The following HERC4 variants were observed in gnomAD, a reference collection of about 807,000 sequenced individuals.
The protein encoded by HERC4 is HECT and RLD domain containing E3 ubiquitin protein ligase 4, also known as probable E3 ubiquitin-protein ligase HERC4.
A neutral mutation model predicts 124.3 loss-of-function variants in HERC4; 28 were observed. The ratio of observed to expected loss-of-function variants is 0.23; its 90% CI spans 0.17 to 0.31. The LOEUF is 0.31. HERC4 is among the 10% of genes least tolerant of loss of function. The probability of loss-of-function intolerance (pLI) is 1.00; values close to 1 mark genes in which losing one functional copy is unlikely to be tolerated. For missense variants in HERC4, 713 were observed against 1,229.3 expected, an observed-to-expected ratio of 0.58 and a Z score of 6.28; for synonymous variants, 407 against 421.5, an observed-to-expected ratio of 0.97 and a Z score of 0.42.
At chr10:68,012,818 T>C (rs2038042714) in intron 9 of HERC4, among the ~76,000 whole-genome samples, 1 of 152,182 alleles carries the variant, frequency 6.6e-6, no homozygotes, top group African/African-American at 2.4e-5. Flanking sequence ...GTATCAAAAA[T>C]TGAGTAAAGC....
At chr10:68,038,672 T>C (rs2039602905) in intron 4 of HERC4, among the ~76,000 whole-genome samples, 1 of 152,226 alleles carries the variant, frequency 6.6e-6, no homozygotes, top group African/African-American at 2.4e-5. Flanking sequence ...ATGAAACCTA[T>C]TCCTTACAAG....
At chr10:67,944,195 G>A (rs956742157) in intron 19 of HERC4, among the ~76,000 whole-genome samples, 4 of 152,228 alleles carry the variant, frequency 2.6e-5, no homozygotes, top group South Asian at 2.1e-4. Context: ...TCCCAGTAGT[G>A]GTGTCTACAA....
chr10:67,957,954 C>G (rs2034256314), intron 16 of HERC4, among the ~76,000 whole-genome samples: 1 of 152,046 alleles, frequency 6.6e-6, no homozygotes, highest in African/African-American at 2.4e-5. Context: ...ATTACAGGTG[C>G]CTGTCACCAC....
intron 16 of HERC4, among the ~76,000 whole-genome samples, chr10:67,964,571 A>C (rs2034733575): frequency 6.6e-6 from 1 of 151,844 alleles, no homozygotes; most frequent in Non-Finnish European, 1.5e-5. Flanking sequence ...TCCGTCTTTC[A>C]TTTCTGTCCC....
intron 16 of HERC4, chr10:67,965,602 A>G (rs1475212105): frequency 3.9e-5 from 6 of 152,226 alleles, no homozygotes; most frequent in Non-Finnish European, 7.3e-5. Context: ...TCCTAAAAAC[A>G]GCGTGCACTA....
intron 5 of HERC4, among the ~76,000 whole-genome samples, chr10:68,035,656 G>C (rs148509520): frequency 2.9e-4 from 44 of 152,292 alleles, no homozygotes; most frequent in African/African-American, 1.0e-3. Flanking sequence ...GGTGCTGTAT[G>C]ATCTACCTAT....
At chr10:68,000,514 G>A (rs1212840497) in intron 9 of HERC4, among the ~76,000 whole-genome samples, 2 of 151,904 alleles carry the variant, frequency 1.3e-5, no homozygotes, top group African/African-American at 2.4e-5. Context: ...GGGAGGTGGA[G>A]GCTGCAGTGA....
intron 9 of HERC4, chr10:67,996,060 C>CTTTGGGA (rs2036856996): frequency 2.4e-6 from 1 of 415,524 alleles, no homozygotes; most frequent in Middle Eastern, 4.2e-4. Context: ...AATCCCAGCA[C>CTTTGGGA]TTTGGGAAGC....
intron 19 of HERC4, among the ~76,000 whole-genome samples, chr10:67,949,503 A>C (rs10997887): frequency 0.014 from 2,161 of 152,282 alleles, 38 homozygotes; most frequent in African/African-American, 0.048. Flanking sequence ...AACAGTAACA[A>C]ACAAAAATCC....
intron 15 of HERC4, among the ~76,000 whole-genome samples, chr10:67,984,643 C>T (rs1188150755): frequency 2.0e-5 from 3 of 152,072 alleles, no homozygotes; most frequent in South Asian, 2.1e-4. Context: ...AGTGCAATGG[C>T]ACGATTTCGA....
In HERC4 at chr10:68,044,501, A is replaced by G; in HGVS notation, c.289T>C (p.Leu97=). 1 of 1,614,120 alleles carries G rather than the reference A, an allele frequency of 6.2e-7. No individual in the cohort carries two copies. The highest frequency in any genetic ancestry group is 1.1e-5 in the South Asian group (1 of 91,086). The change falls in exon 4 of 25, where the codon TTA becomes CTA. Residue 97 remains leucine (L), a synonymous_variant. Coordinates refer to ENST00000373700, the MANE Select transcript of HERC4 (RefSeq NM_015601.4). ...VAVSCGEAHT[L]ALNDKGQVYA... ...ACCTGGCCTTTGTCATTTAGCGCTA[A>G]CGTATGAGCTTCTCCACATGAAACA...
At position 67,955,145 on chromosome 10, in the gene HERC4, AT is replaced by A; in HGVS notation, c.2026-16del. 1 of 1,570,286 alleles carries A rather than the reference AT, an allele frequency of 6.4e-7. No homozygotes were observed. The highest frequency in any genetic ancestry group is 8.6e-7 in the Non-Finnish European group (1 of 1,164,960). ...TCAATAGCCATCTGGAAAACAAAAGATTAACATTTTAACAGCAATGCTACAA... is the reference window on the plus strand; with the variant it reads ...TCAATAGCCATCTGGAAAACAAAAGATAACATTTTAACAGCAATGCTACAA... On this transcript the variant is annotated splice_polypyrimidine_tract_variant and intron_variant, in intron 17 of 24. Transcript: ENST00000373700.
At chr10:67,955,498 G>A (rs921114075) in intron 17 of HERC4, 4 of 160,276 alleles carry the variant, frequency 2.5e-5, no homozygotes, top group East Asian at 1.9e-4. Flanking sequence ...CAGGCTGGGC[G>A]CAGTGGCTCA....
intron 19 of HERC4, among the ~76,000 whole-genome samples, chr10:67,947,480 C>T (rs549701137): frequency 6.6e-6 from 1 of 152,074 alleles, no homozygotes; most frequent in Non-Finnish European, 1.5e-5. Context: ...AGAATCAAAG[C>T]GAGGTATAGA....
intron 15 of HERC4, among the ~76,000 whole-genome samples, chr10:67,979,950 A>G (rs1249061173): frequency 6.6e-6 from 1 of 152,114 alleles, no homozygotes; most frequent in Non-Finnish European, 1.5e-5. Flanking sequence ...AAAAAAAGAA[A>G]AAAAAACCTG....
chr10:68,032,450 T>C (rs1050284376), intron 7 of HERC4, among the ~76,000 whole-genome samples: 2 of 152,216 alleles, frequency 1.3e-5, no homozygotes, highest in Admixed American at 1.3e-4. Flanking sequence ...GTTTGATGCA[T>C]ATATCATGGC....
At chr10:68,050,291 G>A (rs623494) in intron 3 of HERC4, among the ~76,000 whole-genome samples, 80,914 of 152,100 alleles carry the variant, frequency 0.53, 25,534 homozygotes, top group African/African-American at 0.86. Context: ...TTCTCAATGT[G>A]TATTTAAATT....
chr10:67,943,712 G>A (rs1014576069), intron 19 of HERC4, among the ~76,000 whole-genome samples: 17 of 152,164 alleles, frequency 1.1e-4, no homozygotes, highest in Admixed American at 3.3e-4. Context: ...CAGTGAACAA[G>A]GAGAATCCTA....
At chr10:68,003,398 C>T (rs1369854856) in intron 9 of HERC4, among the ~76,000 whole-genome samples, 1 of 145,326 alleles carries the variant, frequency 6.9e-6, no homozygotes, top group Non-Finnish European at 1.5e-5. Context: ...TGGTCTTGAT[C>T]TCCTGACCTC....
Sources: gnomAD v4.1 joint callset for allele counts (sites outside exome capture counted in the v4.1 genomes callset) on GRCh38, gnomAD v4.1.1 for gene constraint, MANE v1.5 for transcripts, NCBI Gene and HGNC (gene_info 2026-07-23, HGNC 2026-07-21) for gene names.